The following NARS1 variants were observed in gnomAD, a reference collection of about 807,000 sequenced individuals.
NARS1 encodes asparaginyl-tRNA synthetase 1, also known as asparagine--tRNA ligase, cytoplasmic.
A neutral mutation model predicts 79.2 loss-of-function variants in NARS1; 65 were observed. That is an observed-to-expected ratio of 0.82 (90% CI 0.67 to 1.01). The LOEUF (loss-of-function observed/expected upper bound fraction) is 1.01, where lower values mean the gene tolerates loss of function less well. Among genes scored for constraint, NARS1 ranks in the 50% least tolerant of loss-of-function variants. The probability of loss-of-function intolerance (pLI) is 0.00; values close to 1 mark genes in which losing one functional copy is unlikely to be tolerated. For synonymous variants in NARS1, 229 were observed against 238.8 expected, an observed-to-expected ratio of 0.96 and a Z score of 0.38; for missense variants, 649 against 673.8, an observed-to-expected ratio of 0.96 and a Z score of 0.41.
rs767903198 is a variant in NARS1, at chr18:57,607,229, C to G, written c.906G>C (p.Leu302Phe). 2 of 1,614,074 alleles carry G rather than the reference C, an allele frequency of 1.2e-6. No individual in the cohort carries two copies. The highest frequency in any genetic ancestry group is 1.7e-5 in the Admixed American group (1 of 60,014). The change falls in exon 9 of 14, where the codon TTG becomes TTC. Residue 302 changes from leucine (L) to phenylalanine (F), a missense_variant. Physicochemically the swap from Leu to Phe is conservative, Grantham distance 22 (BLOSUM62 0). Transcript: ENST00000256854. ...EEAFLTQSSQ[L>F]YLETCLPALG... ...GGGCTGGGAGGCAGGTCTCCAAGTA[C>G]AACTGAGAGGATTGAGTCAAAAATG... is the stretch of plus-strand genomic sequence containing the variant.
chr18:57,608,437 C>CAAAAAAAAAAAAAAAAA (rs1175712420), intron 7 of NARS1, among the ~76,000 whole-genome samples: 2 of 78,274 alleles, frequency 2.6e-5, no homozygotes, highest in African/African-American at 5.3e-5. Flanking sequence ...AACTCCGTCT[C>CAAAAAAAAAAAAAAAAA]AAAAAAAAAA....
chr18:57,603,687 T>G (rs763025362), intron 11 of NARS1, among the ~76,000 whole-genome samples: 1 of 152,212 alleles, frequency 6.6e-6, no homozygotes, highest in Non-Finnish European at 1.5e-5. Context: ...GACTCATAGA[T>G]TTGTTTAATG....
chr18:57,616,948 CAAAAAAAAAAAAAAAA>C (rs59363506), intron 2 of NARS1, among the ~76,000 whole-genome samples: 23 of 72,784 alleles, frequency 3.2e-4, no homozygotes, highest in Non-Finnish European at 5.0e-4. Context: ...GACTCTGTCT[CAAAAAAAAAAAAAAAA>C]AAAAAAAAAA....
chr18:57,616,087 C>G lies in NARS1; in HGVS notation c.94-112G>C, dbSNP rs559108708. 88 of 959,040 alleles carry G rather than the reference C, an allele frequency of 9.2e-5. 1 individual carries two copies. The East Asian group carries it at 1.3e-3, about 14-fold the overall frequency. 59.4% of individuals were successfully genotyped at this position (959,040 alleles called of 1,614,324 possible). A position where few individuals can be genotyped will look rare whatever the true frequency, so the allele number is the denominator to read the frequency against. ...AACAATCTAAGCATAAAGACCCCAA[C>G]AGCCAAAAGCTGATATTGGCACAGT... is the stretch of plus-strand genomic sequence containing the variant. On this transcript the variant is annotated intron_variant, in intron 2 of 13. Coordinates refer to ENST00000256854, the MANE Select transcript of NARS1 (RefSeq NM_004539.4).
Position 57,614,023 on chromosome 18 carries a change from G to A in NARS1, c.343-343C>T, listed in dbSNP as rs188727996. On this transcript the variant is annotated intron_variant, in intron 4 of 13. Transcript: ENST00000256854. Reference sequence around the variant, plus strand: ...CAACAGCAACAATCCCAGTCCACATGAAGCCTTTTCCATGACCCCACAGTT... The same window carrying A: ...CAACAGCAACAATCCCAGTCCACATAAAGCCTTTTCCATGACCCCACAGTT... Among the ~76,000 whole-genome samples, 209 of 152,284 alleles carry A rather than the reference G, an allele frequency of 1.4e-3. 1 individual carries two copies. Among genetic ancestry groups the A allele is most frequent in the African/African-American group, 4.8e-3 (200 of 41,556 alleles).
chr18:57,604,232 C>T (rs1435236367), intron 11 of NARS1, among the ~76,000 whole-genome samples: 1 of 152,156 alleles, frequency 6.6e-6, no homozygotes, highest in Non-Finnish European at 1.5e-5. Context: ...GTTCTCAATA[C>T]AAAATTTTGT....
In NARS1 at chr18:57,611,647, G is replaced by T. The variant is rs765305444; in HGVS notation, c.482C>A (p.Ala161Glu). 7 of 1,591,944 alleles carry T rather than the reference G, an allele frequency of 4.4e-6. No homozygotes were observed. Among genetic ancestry groups the T allele is most frequent in the South Asian group, 3.4e-5 (3 of 87,130 alleles). ...AGAGAAAATATTTACCAACTCATCC[G>T]CCAAGACACACTGAAGATAACCTGT... ...DGTGYLQCVL[A>E]DELCQCYNGV... is the part of the protein sequence containing the mutation. Residue 161 changes from alanine to glutamate, a missense_variant, in exon 6 of 14, where the codon GCG (alanine) becomes GAG (glutamate). Ala to Glu is a moderately radical substitution (Grantham distance 107). Coordinates refer to ENST00000256854, the MANE Select transcript of NARS1 (RefSeq NM_004539.4).
At chr18:57,603,988 A>G (rs1306556469) in intron 11 of NARS1, among the ~76,000 whole-genome samples, 2 of 152,194 alleles carry the variant, frequency 1.3e-5, no homozygotes, top group Non-Finnish European at 2.9e-5. Context: ...TCCCCCTGCC[A>G]TTGTCCTGCC....
In NARS1 at chr18:57,608,112, C is replaced by T. The variant is rs372588459; in HGVS notation, c.580-447G>A. ...CGATCTCCTGACCTCGTGATCCGCC[C>T]GCCTCGGCCTCCCAAAGTGCTGGGA... On this transcript the variant is annotated intron_variant, in intron 7 of 13. Transcript: ENST00000256854. Among the ~76,000 whole-genome samples the T allele has an allele frequency of 1.0e-3, 159 of 152,082 alleles. 1 individual carries two copies. The highest frequency in any genetic ancestry group is 3.3e-3 in the African/African-American group (137 of 41,508).
In NARS1 at chr18:57,607,194, A is replaced by G. The variant is rs140069191; in HGVS notation, c.941T>C (p.Val314Ala). ...LETCLPALGD[V>A]FCIAQSYRAE... ...CCGGTATGACTGAGCAATACAAAAA[A>G]CATCTCCCAGGGCTGGGAGGCAGGT... is the stretch of plus-strand genomic sequence containing the variant. Residue 314 changes from valine to alanine, a missense_variant, in exon 9 of 14, where the codon GTT becomes GCT. Physicochemically the swap from Val to Ala is moderately conservative, Grantham distance 64. Transcript: ENST00000256854. 173 of 1,614,030 alleles carry G rather than the reference A, an allele frequency of 1.1e-4. No homozygotes were observed. Among genetic ancestry groups the G allele is most frequent in the Non-Finnish European group, 1.3e-4 (148 of 1,180,026 alleles).
In NARS1 at chr18:57,601,735, G is replaced by A. The variant is rs747737475; in HGVS notation, c.1564C>T (p.Arg522Ter). ...CTATTCAGAATCCACGTTAAGAATCGTTCCAAGCCCAAGCCATATCCTCCA... is the reference window on the plus strand; with the variant it reads ...CTATTCAGAATCCACGTTAAGAATCATTCCAAGCCCAAGCCATATCCTCCA... ...PHGGYGLGLE[R>*]FLTWILNRYH... The change falls in exon 14 of 14, where the codon CGA (arginine) becomes TGA (stop). Residue 522 changes from arginine to a stop codon, truncating the protein, a stop_gained. Coordinates refer to ENST00000256854, the MANE Select transcript of NARS1 (RefSeq NM_004539.4). LOFTEE classifies it high-confidence loss of function. The A allele has an allele frequency of 1.5e-5, 24 of 1,613,330 alleles. No individual in the cohort carries two copies. The highest frequency in any genetic ancestry group is 4.4e-5 in the South Asian group (4 of 91,074).
At chr18:57,609,976 A>G (rs918743638) in intron 6 of NARS1, among the ~76,000 whole-genome samples, 1 of 151,416 alleles carries the variant, frequency 6.6e-6, no homozygotes, top group African/African-American at 2.4e-5. Flanking sequence ...GGGCCTGGGA[A>G]GTCGAGGCTG....
Position 57,621,784 on chromosome 18 carries a change from A to G in NARS1, c.-67T>C. The G allele has an allele frequency of 6.2e-7, 1 of 1,611,744 alleles. No individual in the cohort carries two copies. Among genetic ancestry groups the G allele is most frequent in the South Asian group, 1.1e-5 (1 of 90,806 alleles). On this transcript the variant is annotated 5_prime_UTR_variant, in exon 1 of 14. Transcript: ENST00000256854. ...ACACCGACGCCGTCTTATGACTCCA[A>G]CGTGCACCGGCGGTTTCCGCGATTC... is the stretch of plus-strand genomic sequence containing the variant.
chr18:57,620,438 C>A, intron 2 of NARS1, 131 bp downstream of exon 2: 1 of 630,246 alleles, frequency 1.6e-6, no homozygotes, highest in Non-Finnish European at 2.8e-6. Flanking sequence ...GTATGCATTC[C>A]TTACTTTCCC....
rs768901987 is a variant in NARS1, at chr18:57,607,215, C to A, written c.920G>T (p.Cys307Phe). 5.6e-6 allele frequency: 9 copies of A among 1,613,976 alleles called. No homozygotes were observed. Among genetic ancestry groups the A allele is most frequent in the Non-Finnish European group, 4.2e-6 (5 of 1,180,022 alleles). ...AAAAACATCTCCCAGGGCTGGGAGG[C>A]AGGTCTCCAAGTACAACTGAGAGGA... ...TQSSQLYLET[C>F]LPALGDVFCI... Residue 307 changes from cysteine to phenylalanine, a missense_variant, in exon 9 of 14, where the codon TGC becomes TTC. By Grantham distance (205) the Cys-to-Phe change is radical. Transcript: ENST00000256854.
intron 2 of NARS1, 43 bp from the exon 3 acceptor site, chr18:57,616,018 C>T (rs995664504): frequency 2.5e-5 from 38 of 1,495,416 alleles, no homozygotes; most frequent in Non-Finnish European, 3.0e-5. Context: ...GAACATTGTA[C>T]AATACTTAAA....
rs777528694 is a variant in NARS1 at position 57,602,336 on chromosome 18, C to T, written c.1515+19G>A. The T allele has an allele frequency of 6.2e-7, 1 of 1,604,834 alleles. No homozygotes were observed. The highest frequency in any genetic ancestry group is 8.5e-7 in the Non-Finnish European group (1 of 1,176,758). Reference sequence around the variant, plus strand: ...TTACAGTGGAAAAAAATGTTGAGTACTTAAAAAATTGGTTTTACCTGATCC... The same window carrying T: ...TTACAGTGGAAAAAAATGTTGAGTATTTAAAAAATTGGTTTTACCTGATCC... On this transcript the variant is annotated intron_variant, in intron 13 of 13. Coordinates refer to ENST00000256854, the MANE Select transcript of NARS1 (RefSeq NM_004539.4).
rs373070400 is a variant in NARS1 at position 57,606,354 on chromosome 18, ATATATAT to A, written c.1137+255_1137+261del. On this transcript the variant is annotated intron_variant, in intron 10 of 13. Transcript: ENST00000256854. ...AGTGAGACTCTGTCTCAAAAAAAAA[ATATATAT>A]ATATATATATATATATATAACTTCA... Among the ~76,000 whole-genome samples, 16 of 141,862 alleles carry A rather than the reference ATATATAT, an allele frequency of 1.1e-4. 1 individual carries two copies. The highest frequency in any genetic ancestry group is 2.6e-4 in the African/African-American group (10 of 38,388). 93.1% of individuals were successfully genotyped at this position (141,862 alleles called of 152,430 possible).
At chr18:57,603,767 G>A (rs991813472) in intron 11 of NARS1, among the ~76,000 whole-genome samples, 37 of 152,320 alleles carry the variant, frequency 2.4e-4, no homozygotes, top group Middle Eastern at 3.4e-3. Context: ...GAGCCCTTGC[G>A]TCCTCGGAGA....
Sources: allele counts gnomAD v4.1 joint callset (sites outside exome capture counted in the v4.1 genomes callset), GRCh38; gene constraint gnomAD v4.1.1; transcripts MANE v1.5; gene names NCBI Gene and HGNC (gene_info 2026-07-23, HGNC 2026-07-21).